The following IPO11 variants were observed in gnomAD, a reference collection of about 807,000 sequenced individuals.
IPO11 encodes the protein importin 11.
A neutral mutation model predicts 143.2 loss-of-function variants in IPO11; 66 were observed. The ratio of observed to expected loss-of-function variants is 0.46; its 90% CI spans 0.38 to 0.57. The LOEUF is 0.57. Ranked by LOEUF, IPO11 falls within the 20% of genes least tolerant of loss-of-function variation. The pLI, the probability that IPO11 is intolerant of heterozygous loss-of-function variation, is 0.00. For missense variants in IPO11, 1,026 were observed against 1,141.0 expected (o/e 0.90, Z 1.45); for synonymous variants, 385 against 377.8 (o/e 1.02, Z -0.22).
intron 1 of IPO11, among the ~76,000 whole-genome samples, chr5:62,428,690 G>C (rs935349866): frequency 1.2e-4 from 18 of 151,720 alleles, no homozygotes; most frequent in African/African-American, 4.1e-4. Flanking sequence ...TTAGAGACAG[G>C]GTCTCACTTT....
intron 29 of IPO11, among the ~76,000 whole-genome samples, chr5:62,615,021 C>T (rs928686185): frequency 1.3e-5 from 2 of 152,158 alleles, no homozygotes; most frequent in Non-Finnish European, 2.9e-5. Flanking sequence ...TGATGCTCCT[C>T]TTCTTCCTTC....
At chr5:62,496,827 A>C (rs1741175584) in intron 16 of IPO11, among the ~76,000 whole-genome samples, 1 of 152,240 alleles carries the variant, frequency 6.6e-6, no homozygotes, top group African/African-American at 2.4e-5. Flanking sequence ...AATATTTCAA[A>C]TAAACCAAAA....
intron 28 of IPO11, among the ~76,000 whole-genome samples, chr5:62,595,775 AT>A (rs1279554480): frequency 6.6e-6 from 1 of 151,900 alleles, no homozygotes; most frequent in Non-Finnish European, 1.5e-5. Context: ...TGTTTTTATT[AT>A]TTTTTTAGCT....
chr5:62,509,498 G>T lies in IPO11; in HGVS notation c.1782+3141G>T, dbSNP rs1052859391. Among the ~76,000 whole-genome samples, 12 of 152,064 alleles carry T rather than the reference G, an allele frequency of 7.9e-5. No homozygotes were observed. The East Asian group carries it at 2.3e-3, about 29-fold the overall frequency. On this transcript the variant is annotated intron_variant, in intron 19 of 29. Transcript: ENST00000325324. ...CTTCCCCCACACCTCAAATTCTTTG[G>T]TAAGAACACTTAACATGAGATCCAT...
chr5:62,413,198 AGGCGAGT>A (rs1743177289), intron 1 of IPO11, among the ~76,000 whole-genome samples: 2 of 152,210 alleles, frequency 1.3e-5, no homozygotes, highest in African/African-American at 4.8e-5. Context: ...GGCTGAGCAG[AGGCGAGT>A]GTACCCATCG....
intron 22 of IPO11, among the ~76,000 whole-genome samples, chr5:62,535,318 C>A (rs956074378): frequency 5.3e-5 from 8 of 151,942 alleles, no homozygotes; most frequent in African/African-American, 1.7e-4. Flanking sequence ...AAGCCATTCT[C>A]AGTTCTCTCT....
chr5:62,595,761 T>C (rs909232951), intron 28 of IPO11, among the ~76,000 whole-genome samples: 30 of 152,110 alleles, frequency 2.0e-4, no homozygotes, highest in African/African-American at 7.0e-4. Flanking sequence ...GTTTGGTTGG[T>C]TTTTGTTTTT....
chr5:62,455,365 CA>C (rs997431843), intron 5 of IPO11, among the ~76,000 whole-genome samples: 4 of 151,724 alleles, frequency 2.6e-5, no homozygotes, highest in Non-Finnish European at 5.9e-5. Context: ...ACTAAAAATA[CA>C]AAAAAAATTA....
chr5:62,564,915 G>A (rs958768992), intron 27 of IPO11, among the ~76,000 whole-genome samples: 5 of 152,314 alleles, frequency 3.3e-5, no homozygotes, highest in Non-Finnish European at 5.9e-5. Flanking sequence ...CCATGGTCAA[G>A]TTACTTAACT....
intron 16 of IPO11, among the ~76,000 whole-genome samples, chr5:62,504,370 T>A (rs1160778603): frequency 1.3e-5 from 2 of 152,112 alleles, no homozygotes; most frequent in Non-Finnish European, 2.9e-5. Context: ...AATCCCATGC[T>A]CTCCACATAC....
intron 20 of IPO11, among the ~76,000 whole-genome samples, chr5:62,524,236 A>G (rs1742296553): frequency 6.6e-6 from 1 of 152,102 alleles, no homozygotes; most frequent in Admixed American, 6.5e-5. Context: ...CTCTTCAAGC[A>G]TTGATTAAGA....
chr5:62,491,500 C>G (rs1179650474), intron 15 of IPO11, among the ~76,000 whole-genome samples: 2 of 151,994 alleles, frequency 1.3e-5, no homozygotes, highest in Non-Finnish European at 2.9e-5. Context: ...GCAGAAGCTC[C>G]CTACGTGTAG....
At chr5:62,521,727 T>G (rs1191967003) in intron 20 of IPO11, among the ~76,000 whole-genome samples, 1 of 152,038 alleles carries the variant, frequency 6.6e-6, no homozygotes, top group African/African-American at 2.4e-5. Context: ...CTTTGTTTCC[T>G]TCCTGCTTTT....
intron 27 of IPO11, among the ~76,000 whole-genome samples, chr5:62,584,707 T>C (rs1243529637): frequency 5.3e-5 from 8 of 150,306 alleles, no homozygotes; most frequent in African/African-American, 2.0e-4. Context: ...ACTAGTGCTG[T>C]ACTGTCTGAA....
chr5:62,484,237 A>G, intron 11 of IPO11, 75 bp downstream of exon 11: 4 of 1,238,832 alleles, frequency 3.2e-6, no homozygotes, highest in South Asian at 1.8e-5. Context: ...GATAGGTATA[A>G]TATTGTATTT....
At chr5:62,458,581 A>G (rs1274739584) in intron 5 of IPO11, among the ~76,000 whole-genome samples, 3 of 152,194 alleles carry the variant, frequency 2.0e-5, no homozygotes, top group Non-Finnish European at 1.5e-5. Flanking sequence ...GATTACAGGC[A>G]TGAGCCACTG....
chr5:62,457,121 C>T (rs1373479042), intron 5 of IPO11, among the ~76,000 whole-genome samples: 1 of 152,054 alleles, frequency 6.6e-6, no homozygotes, highest in Non-Finnish European at 1.5e-5. Flanking sequence ...GAAAACAAAA[C>T]TATATTGCAT....
In IPO11 at chr5:62,601,586, A is replaced by G. The variant is rs897555068; in HGVS notation, c.2679-178A>G. Among the ~76,000 whole-genome samples the G allele has an allele frequency of 2.0e-5, 3 of 152,122 alleles. No individual in the cohort carries two copies. In the East Asian group the frequency reaches 5.8e-4, roughly 29 times the overall value. The stretch of plus-strand genomic sequence containing the variant: ...AGTGTGGCCCTTTTTATAGTGAGAT[A>G]TCTTTTCATAATTCAAAAATTTTGT... On this transcript the variant is annotated intron_variant, in intron 28 of 29. Coordinates refer to ENST00000325324, the MANE Select transcript of IPO11 (RefSeq NM_016338.5).
At chr5:62,491,821 A>G (rs2112238951) in intron 15 of IPO11, among the ~76,000 whole-genome samples, 1 of 152,034 alleles carries the variant, frequency 6.6e-6, no homozygotes, top group East Asian at 1.9e-4. Context: ...GCCCGCCACC[A>G]TGCCCGGCTA....
Sources: gnomAD v4.1 joint callset for allele counts (sites outside exome capture counted in the v4.1 genomes callset) on GRCh38, gnomAD v4.1.1 for gene constraint, MANE v1.5 for transcripts, NCBI Gene and HGNC (gene_info 2026-07-23, HGNC 2026-07-21) for gene names.